The following KDM4A variants were observed in gnomAD, a reference collection of about 807,000 sequenced individuals.
The protein encoded by KDM4A is lysine demethylase 4A, also known as lysine-specific demethylase 4A.
Under a neutral mutation model 127.1 loss-of-function variants are expected in KDM4A, and 23 were observed. The observed-to-expected ratio is 0.18, with a 90% CI of 0.13 to 0.26. The LOEUF is 0.26. KDM4A is among the 10% of genes least tolerant of loss of function. The pLI, the probability that KDM4A is intolerant of heterozygous loss-of-function variation, is 1.00. For missense variants in KDM4A, 890 were observed against 1,329.1 expected (o/e 0.67, Z 5.14); for synonymous variants, 443 against 466.5 (o/e 0.95, Z 0.65).
chr1:43,665,524 C>T (rs1456904881), intron 5 of KDM4A, among the ~76,000 whole-genome samples, 172 bp from the exon 6 acceptor site: 1 of 151,830 alleles, frequency 6.6e-6, no homozygotes, highest in African/African-American at 2.4e-5. Flanking sequence ...TTTATGGGCT[C>T]CTTACTCCTG....
In KDM4A at chr1:43,688,957, A is replaced by G; in HGVS notation, c.1899A>G (p.Thr633=). Residue 633 remains threonine, a synonymous_variant, in exon 13 of 22, where the codon ACA becomes ACG. Transcript: ENST00000372396. The surrounding 1 kb of genome is among the most constrained non-coding windows in gnomAD (Gnocchi z 4.4). ...CCCCTGAGGAAGAGGCTGAGGAGAC[A>G]GAGGCCTGGGCCAAGCCTCTGAGCC... ...QLTPEEEAEE[T]EAWAKPLSQL... 1 of 1,614,236 alleles carries G rather than the reference A, an allele frequency of 6.2e-7. No homozygotes were observed. The highest frequency in any genetic ancestry group is 8.5e-7 in the Non-Finnish European group (1 of 1,180,032).
Position 43,704,067 on chromosome 1 carries a change from A to G in KDM4A, c.3009A>G (p.Val1003=). 1 of 1,614,126 alleles carries G rather than the reference A, an allele frequency of 6.2e-7. No homozygotes were observed. The highest frequency in any genetic ancestry group is 8.5e-7 in the Non-Finnish European group (1 of 1,180,010). ...AACTTGTGGTTAAGAGAGATGATGTATACACACTGGATGAAGAGCTTCCCA... is the reference window on the plus strand; with the variant it reads ...AACTTGTGGTTAAGAGAGATGATGTGTACACACTGGATGAAGAGCTTCCCA... ...GSQLVVKRDD[V]YTLDEELPKR... The change falls in exon 21 of 22, where the codon GTA becomes GTG. Residue 1003 remains valine (V), a synonymous_variant. Coordinates refer to ENST00000372396, the MANE Select transcript of KDM4A (RefSeq NM_014663.3).
intron 5 of KDM4A, among the ~76,000 whole-genome samples, 154 bp from the exon 6 acceptor site, chr1:43,665,538 CCAAA>C (rs1165834280): frequency 1.3e-5 from 2 of 151,790 alleles, no homozygotes; most frequent in South Asian, 2.1e-4. Flanking sequence ...ACTCCTGTGC[CCAAA>C]CAGTCTAATA....
rs749398297 is a variant in KDM4A at position 43,663,079 on chromosome 1, A to C, written c.615A>C (p.Pro205=). The C allele has an allele frequency of 1.2e-6, 2 of 1,613,200 alleles. No homozygotes were observed. The highest frequency in any genetic ancestry group is 2.2e-5 in the South Asian group (2 of 90,948). Residue 205 remains proline, a synonymous_variant, in exon 5 of 22, where the codon CCA becomes CCC. Coordinates refer to ENST00000372396, the MANE Select transcript of KDM4A (RefSeq NM_014663.3). ...YSINYLHFGE[P]KSWYSVPPEH... ...TCAACTACCTGCACTTTGGAGAACC[A>C]AAGTCCTGGTACAGTCTGCCTGCAG...
intron 19 of KDM4A, among the ~76,000 whole-genome samples, chr1:43,701,900 A>C (rs928176441): frequency 6.6e-6 from 1 of 152,232 alleles, no homozygotes; most frequent in Non-Finnish European, 1.5e-5. Context: ...TCTTATGAGG[A>C]CTTAACACAT....
At chr1:43,691,176 C>A in intron 14 of KDM4A, 127 bp downstream of exon 14, 1 of 963,568 alleles carries the variant, frequency 1.0e-6, no homozygotes, top group Non-Finnish European at 1.6e-6. Context: ...GAGTCTGTTG[C>A]TAGCTGATTT....
chr1:43,703,311 G>A (rs963043199), intron 19 of KDM4A: 24 of 245,952 alleles, frequency 9.8e-5, no homozygotes, highest in Middle Eastern at 1.5e-3. Context: ...TGGAGAACCC[G>A]CAGGGGAACA....
intron 1 of KDM4A, among the ~76,000 whole-genome samples, chr1:43,651,525 C>G (rs957086410): frequency 6.6e-6 from 1 of 152,218 alleles, no homozygotes; most frequent in African/African-American, 2.4e-5. Flanking sequence ...CCGTGTTCTG[C>G]TCCCAGGCCT....
chr1:43,696,797 T>C (rs967578035), intron 18 of KDM4A, among the ~76,000 whole-genome samples: 7 of 152,202 alleles, frequency 4.6e-5, no homozygotes, highest in African/African-American at 1.4e-4. Flanking sequence ...TATGAGGAAA[T>C]TGGGGGGACT....
chr1:43,682,611 G>A (rs914960546), intron 11 of KDM4A, among the ~76,000 whole-genome samples: 2 of 152,190 alleles, frequency 1.3e-5, no homozygotes, highest in Non-Finnish European at 2.9e-5. Context: ...GGTGCCCAGT[G>A]AATATTTGTT....
intron 14 of KDM4A, 106 bp from the exon 15 acceptor site, chr1:43,691,390 G>T: frequency 1.0e-6 from 1 of 958,860 alleles, no homozygotes. Context: ...GGGTTTCTGT[G>T]AGATTTGGTT....
Position 43,704,321 on chromosome 1 carries a change from A to G in KDM4A, c.3146A>G (p.Tyr1049Cys). The G allele has an allele frequency of 6.2e-7, 1 of 1,614,034 alleles. No homozygotes were observed. Among genetic ancestry groups the G allele is most frequent in the Non-Finnish European group, 8.5e-7 (1 of 1,180,042 alleles). The change falls in exon 22 of 22, where the codon TAC becomes TGC. Residue 1049 changes from tyrosine (Y) to cysteine (C), a missense_variant. Coordinates refer to ENST00000372396, the MANE Select transcript of KDM4A (RefSeq NM_014663.3). ...CGGCAACGAGTTATCAACTCAAGAT[A>G]CCGGGAAGATTATATTGAGCCTGCA... The part of the protein sequence containing the change: ...KKRQRVINSR[Y>C]REDYIEPALY...
At chr1:43,653,367 A>G in intron 2 of KDM4A, 54 bp downstream of exon 2, 1 of 1,491,776 alleles carries the variant, frequency 6.7e-7, no homozygotes, top group Non-Finnish European at 9.0e-7. Flanking sequence ...GAGCAGTAAG[A>G]TTTTTTTCCT....
rs1660212599 is a variant in KDM4A, at chr1:43,655,261, G to C, written c.139-330G>C. ...AGAGTTGACCAAATCAAGTAAAGTT[G>C]TGTTTGTGATTTTTTTAAAGAGAGC... On this transcript the variant is annotated intron_variant, in intron 2 of 21. Coordinates refer to ENST00000372396, the MANE Select transcript of KDM4A (RefSeq NM_014663.3). 1.3e-5 allele frequency among the ~76,000 whole-genome samples: 2 copies of C among 152,196 alleles called. 1 individual carries two copies. The highest frequency in any genetic ancestry group is 1.3e-4 in the Admixed American group (2 of 15,282).
intron 9 of KDM4A, 40 bp from the exon 10 acceptor site, chr1:43,669,060 T>TA: frequency 6.2e-7 from 1 of 1,601,658 alleles, no homozygotes; most frequent in Non-Finnish European, 8.6e-7. Flanking sequence ...TAAGTGGATG[T>TA]ATATGTGGGC....
At chr1:43,677,326 C>T (rs575829) in intron 11 of KDM4A, among the ~76,000 whole-genome samples, 4,678 of 123,588 alleles carry the variant, frequency 0.038, 265 homozygotes, top group African/African-American at 0.14. Context: ...GCCTGGGCAA[C>T]AGAGTGAGAC....
Position 43,683,615 on chromosome 1 carries a change from T to C in KDM4A, c.1735-69T>C, listed in dbSNP as rs555207353. ...GCCCCTCTCTTTCCTTTGGTTTTCA[T>C]TGTAAGGGTGACTTGTGCTGTGTCT... On this transcript the variant is annotated intron_variant, in intron 11 of 21. Coordinates refer to ENST00000372396, the MANE Select transcript of KDM4A (RefSeq NM_014663.3). 4.0e-5 allele frequency: 62 copies of C among 1,544,050 alleles called. No homozygotes were observed. The South Asian group carries it at 7.3e-4, about 18-fold the overall frequency.
In KDM4A at chr1:43,660,356, C is replaced by T; in HGVS notation, c.373C>T (p.Leu125Phe). The change falls in exon 4 of 22, where the codon CTT (leucine) becomes TTT (phenylalanine). Residue 125 changes from leucine (L) to phenylalanine (F), a missense_variant. Leu to Phe is a conservative substitution (Grantham distance 22). This residue lies in a region of KDM4A where 141 missense variants were observed against 273.5 expected (regional missense o/e 0.52). Transcript: ENST00000372396. ...GCTCGAGCGGAAATACTGGAAAAAT[C>T]TTACATTCAATCCTCCAATCTATGG... Reference protein sequence around the residue: ...EELERKYWKNLTFNPPIYGAD... With the variant: ...EELERKYWKNFTFNPPIYGAD... 1 of 1,613,792 alleles carries T rather than the reference C, an allele frequency of 6.2e-7. No homozygotes were observed. Among genetic ancestry groups the T allele is most frequent in the Non-Finnish European group, 8.5e-7 (1 of 1,179,786 alleles).
intron 3 of KDM4A, among the ~76,000 whole-genome samples, chr1:43,656,780 C>T (rs1442723448): frequency 1.3e-5 from 2 of 151,362 alleles, no homozygotes; most frequent in African/African-American, 4.9e-5. Context: ...GGCTGGAGTG[C>T]AATGGTGCAG....
Sources: allele counts gnomAD v4.1 joint callset (sites outside exome capture counted in the v4.1 genomes callset), GRCh38; gene constraint gnomAD v4.1.1; regional missense constraint gnomAD v4.1.1; non-coding constraint Gnocchi (gnomAD v3.1); transcripts MANE v1.5; gene names NCBI Gene and HGNC (gene_info 2026-07-23, HGNC 2026-07-21).